Variants in FAM107B observed in about 807,000 individuals in gnomAD.
FAM107B encodes family with sequence similarity 107 member B, also known as protein FAM107B.
In FAM107B, 21 loss-of-function variants were observed where a neutral mutation model predicts 31.5. The ratio of observed to expected loss-of-function variants is 0.67; its 90% confidence interval spans 0.47 to 0.96. The LOEUF is 0.96. Ranked by LOEUF, FAM107B falls within the 40% of genes least tolerant of loss-of-function variation. FAM107B has a pLI of 0.00. For missense variants in FAM107B, 452 were observed against 377.1 expected (o/e 1.20, Z -1.64); for synonymous variants, 157 against 141.5 (o/e 1.11, Z -0.78).
chr10:14,631,703 T>G (rs1326367007), intron 2 of FAM107B, among the ~76,000 whole-genome samples: 4 of 152,082 alleles, frequency 2.6e-5, no homozygotes, highest in Non-Finnish European at 4.4e-5. Flanking sequence ...CCCGGCAACT[T>G]CATCATCAGC....
At chr10:14,736,448 G>C (rs1286328180) in intron 1 of FAM107B, among the ~76,000 whole-genome samples, 1 of 152,172 alleles carries the variant, frequency 6.6e-6, no homozygotes, top group Non-Finnish European at 1.5e-5. Context: ...CAAACTGTTT[G>C]GGATGGCTTT....
At chr10:14,768,625 C>A (rs1288043597) in intron 1 of FAM107B, among the ~76,000 whole-genome samples, 1 of 152,140 alleles carries the variant, frequency 6.6e-6, no homozygotes, top group Non-Finnish European at 1.5e-5. Context: ...TGTGAATATG[C>A]CTAATGACAC....
intron 2 of FAM107B, among the ~76,000 whole-genome samples, chr10:14,541,435 G>A (rs1163903286): frequency 1.3e-5 from 2 of 152,070 alleles, no homozygotes; most frequent in Admixed American, 6.5e-5. Flanking sequence ...CACCAAGCCC[G>A]TGCACGTTCC....
intron 1 of FAM107B, among the ~76,000 whole-genome samples, chr10:14,713,875 G>A (rs536730300): frequency 6.6e-6 from 1 of 152,278 alleles, no homozygotes; most frequent in East Asian, 1.9e-4. Flanking sequence ...CATGTTCTTT[G>A]CAGCAACATG....
In FAM107B at chr10:14,589,315, C is replaced by T. The variant is rs141433494; in HGVS notation, c.470-58800G>A. Among the ~76,000 whole-genome samples the T allele has an allele frequency of 2.2e-3, 341 of 152,226 alleles. 1 individual carries two copies. The highest frequency in any genetic ancestry group is 3.1e-3 in the Non-Finnish European group (214 of 68,012). On this transcript the variant is annotated intron_variant, in intron 2 of 4. Coordinates refer to ENST00000181796, the MANE Select transcript of FAM107B (RefSeq NM_031453.4). ...TATCAGTTCAAACTTACCTAGACAT[C>T]TTATAAGAGTCCTGAACCATCTATA...
intron 1 of FAM107B, among the ~76,000 whole-genome samples, chr10:14,698,169 G>A (rs1022896835): frequency 1.3e-5 from 2 of 151,790 alleles, no homozygotes; most frequent in Middle Eastern, 3.2e-3. Flanking sequence ...TTAAAATAAT[G>A]TATGCTCAGA....
At chr10:14,767,897 A>G (rs1008399578) in intron 1 of FAM107B, among the ~76,000 whole-genome samples, 1 of 152,226 alleles carries the variant, frequency 6.6e-6, no homozygotes, top group African/African-American at 2.4e-5. Context: ...TGTTGATGAC[A>G]TGATCTTATG....
chr10:14,675,081 T>G (rs2131485366), intron 1 of FAM107B, among the ~76,000 whole-genome samples: 1 of 152,296 alleles, frequency 6.6e-6, no homozygotes, highest in Admixed American at 6.5e-5. Flanking sequence ...AATACTTGCA[T>G]GCCCATATTA....
chr10:14,544,110 G>A lies in FAM107B; in HGVS notation c.470-13595C>T, dbSNP rs115510570. Among the ~76,000 whole-genome samples, 1,149 of 152,280 alleles carry A rather than the reference G, an allele frequency of 7.5e-3. 15 individuals are homozygous for A. The highest frequency in any genetic ancestry group is 0.026 in the African/African-American group (1,087 of 41,544). ...CAACTGCTTGGCCCAGGGTTAGAGAGGCCCACACGGGAAGGCAGAGTGGAG... is the reference window on the plus strand; with the variant it reads ...CAACTGCTTGGCCCAGGGTTAGAGAAGCCCACACGGGAAGGCAGAGTGGAG... On this transcript the variant is annotated intron_variant, in intron 2 of 4. Transcript: ENST00000181796.
In FAM107B at chr10:14,711,227, A is replaced by G. The variant is rs577651364; in HGVS notation, c.412-43536T>C. ...TGCCCGGCCATAAAATTTTTTTAATAAACAGTGTAGTCTAAGTGTACAGCA... is the reference window on the plus strand; with the variant it reads ...TGCCCGGCCATAAAATTTTTTTAATGAACAGTGTAGTCTAAGTGTACAGCA... On this transcript the variant is annotated intron_variant, in intron 1 of 4. Coordinates refer to ENST00000181796, the MANE Select transcript of FAM107B (RefSeq NM_031453.4). Among the ~76,000 whole-genome samples the G allele has an allele frequency of 7.2e-5, 11 of 152,238 alleles. No individual in the cohort carries two copies. The South Asian group carries it at 2.3e-3, about 32-fold the overall frequency.
chr10:14,685,772 A>G (rs1854968965), intron 1 of FAM107B, among the ~76,000 whole-genome samples: 1 of 152,166 alleles, frequency 6.6e-6, no homozygotes, highest in Non-Finnish European at 1.5e-5. Flanking sequence ...CTCCCTCTCT[A>G]TCAGTCTGTT....
rs1220422077 is a variant in FAM107B, at chr10:14,724,341, A to G, written c.411+49912T>C. Reference sequence around the variant, plus strand: ...CTTATGTCTATCCAGTTGTCCCAACACTATTTGTTGAAACCACTATTATTT... The same window carrying G: ...CTTATGTCTATCCAGTTGTCCCAACGCTATTTGTTGAAACCACTATTATTT... On this transcript the variant is annotated intron_variant, in intron 1 of 4. Coordinates refer to ENST00000181796, the MANE Select transcript of FAM107B (RefSeq NM_031453.4). 3.3e-5 allele frequency among the ~76,000 whole-genome samples: 5 copies of G among 152,350 alleles called. No homozygotes were observed. The East Asian group carries it at 9.6e-4, about 29-fold the overall frequency.
intron 2 of FAM107B, among the ~76,000 whole-genome samples, chr10:14,561,779 A>G (rs1190646362): frequency 6.6e-6 from 1 of 152,100 alleles, no homozygotes; most frequent in Non-Finnish European, 1.5e-5. Context: ...TACTCAGAGT[A>G]TATTTTCTTC....
chr10:14,570,233 G>GT (rs1851083422), intron 2 of FAM107B, among the ~76,000 whole-genome samples: 13 of 140,426 alleles, frequency 9.3e-5, no homozygotes, highest in South Asian at 6.6e-4. Context: ...AAATGTGGTG[G>GT]GTGTGTGTGT....
chr10:14,555,928 G>GACAC (rs1849661340), intron 2 of FAM107B: 1 of 82,678 alleles, frequency 1.2e-5, no homozygotes, highest in Admixed American at 1.1e-4. Flanking sequence ...CACACACACT[G>GACAC]GGCAGTGCAA....
intron 1 of FAM107B, among the ~76,000 whole-genome samples, chr10:14,750,919 C>A (rs1232839325): frequency 6.6e-6 from 1 of 152,148 alleles, no homozygotes; most frequent in Non-Finnish European, 1.5e-5. Flanking sequence ...GCTGGACACC[C>A]CTCAGGGTAC....
chr10:14,554,893 CAAT>C (rs1849567488), intron 2 of FAM107B, among the ~76,000 whole-genome samples: 5 of 152,230 alleles, frequency 3.3e-5, no homozygotes, highest in Admixed American at 3.3e-4. Context: ...AAAAATATGT[CAAT>C]AATACACCAT....
At chr10:14,743,981 A>G (rs1213731246) in intron 1 of FAM107B, among the ~76,000 whole-genome samples, 1 of 152,192 alleles carries the variant, frequency 6.6e-6, no homozygotes. Context: ...CTTCCTATCC[A>G]TGAATATGGA....
chr10:14,614,467 G>A (rs1463968046), intron 2 of FAM107B, among the ~76,000 whole-genome samples: 1 of 152,002 alleles, frequency 6.6e-6, no homozygotes, highest in Non-Finnish European at 1.5e-5. Context: ...GAGGTTAGGG[G>A]TTCAAGATCA....
Sources: gnomAD v4.1 joint callset for allele counts (sites outside exome capture counted in the v4.1 genomes callset) on GRCh38, gnomAD v4.1.1 for gene constraint, MANE v1.5 for transcripts, NCBI Gene and HGNC (gene_info 2026-07-23, HGNC 2026-07-21) for gene names.